Variants in TMPRSS15 observed in about 807,000 individuals in gnomAD.
The protein encoded by TMPRSS15 is transmembrane serine protease 15.
Under a neutral mutation model 125.3 loss-of-function variants are expected in TMPRSS15, and 128 were observed. The ratio of observed to expected loss-of-function variants is 1.02; its 90% CI spans 0.89 to 1.18. The LOEUF (loss-of-function observed/expected upper bound fraction) is 1.18. TMPRSS15 is among the 50% of genes most tolerant of loss of function. The pLI, the probability that TMPRSS15 is intolerant of heterozygous loss-of-function variation, is 0.00. For missense variants in TMPRSS15, 1,283 were observed against 1,212.7 expected (o/e 1.06, Z -0.86); for synonymous variants, 446 against 423.2 (o/e 1.05, Z -0.66).
chr21:18,413,302 TTTTC>T (rs910135957), intron 1 of TMPRSS15, among the ~76,000 whole-genome samples: 1 of 122,006 alleles, frequency 8.2e-6, no homozygotes, highest in African/African-American at 3.2e-5. Context: ...CTTTTCTTTC[TTTTC>T]TTTCTTTTCC....
chr21:18,296,010 A>G (rs892676651), intron 19 of TMPRSS15, among the ~76,000 whole-genome samples: 4 of 152,080 alleles, frequency 2.6e-5, no homozygotes, highest in African/African-American at 9.7e-5. Flanking sequence ...AAAATTAGCC[A>G]GGCGTGGTGG....
rs186100831 is a variant in TMPRSS15, at chr21:18,332,167, C to T, written c.1571G>A (p.Cys524Tyr). Residue 524 changes from cysteine (C) to tyrosine (Y), a missense_variant, in exon 14 of 25, where the codon TGT (cysteine) becomes TAT (tyrosine). Cys to Tyr is a radical substitution (Grantham distance 194). Transcript: ENST00000284885. Reference protein sequence around the residue: ...PTPPPELPTDCGGPFELWEPN... With the variant: ...PTPPPELPTDYGGPFELWEPN... ...CTCCCACAGCTCAAAAGGTCCTCCA[C>T]AGTCCGCTGAAAAGGAAAGCAATGG... 5 of 1,613,942 alleles carry T rather than the reference C, an allele frequency of 3.1e-6. No individual in the cohort carries two copies. The African/African-American group carries it at 5.3e-5, about 17-fold the overall frequency.
At chr21:18,318,460 C>G (rs558569036) in intron 16 of TMPRSS15, among the ~76,000 whole-genome samples, 1 of 152,098 alleles carries the variant, frequency 6.6e-6, no homozygotes, top group Non-Finnish European at 1.5e-5. Flanking sequence ...AACATTGGAA[C>G]GATGGGAAGA....
At chr21:18,408,739 C>T (rs1223899369), upstream of TMPRSS15, among the ~76,000 whole-genome samples, 1 of 152,022 alleles carries the variant, frequency 6.6e-6, no homozygotes, top group Non-Finnish European at 1.5e-5. Context: ...AGAAGGTGGA[C>T]CTTTAAATAT....
intron 1 of TMPRSS15, among the ~76,000 whole-genome samples, chr21:18,435,000 G>C (rs2076224731): frequency 6.6e-6 from 1 of 152,016 alleles, no homozygotes; most frequent in African/African-American, 2.4e-5. Context: ...GAAGTCCTTG[G>C]AGGAAGCAAT....
intron 1 of TMPRSS15, among the ~76,000 whole-genome samples, chr21:18,472,480 T>TATATATATATACACAC (rs1491127013): frequency 8.9e-6 from 1 of 112,332 alleles, no homozygotes; most frequent in African/African-American, 3.1e-5. Flanking sequence ...TATATATATA[T>TATATATATATACACAC]ACACACACAC....
intron 1 of TMPRSS15, among the ~76,000 whole-genome samples, chr21:18,398,866 A>G (rs2076067211): frequency 6.6e-6 from 1 of 152,134 alleles, no homozygotes; most frequent in African/African-American, 2.4e-5. Flanking sequence ...AATTATAAAA[A>G]TGGCATGCAT....
At chr21:18,407,081 T>G (rs979635827), upstream of TMPRSS15, among the ~76,000 whole-genome samples, 3 of 152,180 alleles carry the variant, frequency 2.0e-5, no homozygotes, top group African/African-American at 7.2e-5. Context: ...AAATCATTTG[T>G]TTAGTGATGC....
At chr21:18,457,804 G>A (rs1336168599) in intron 1 of TMPRSS15, among the ~76,000 whole-genome samples, 2 of 152,070 alleles carry the variant, frequency 1.3e-5, no homozygotes, top group Admixed American at 6.6e-5. Flanking sequence ...AAAAATGGCC[G>A]AATCCTTATC....
At chr21:18,449,038 T>TA (rs2076261762) in intron 1 of TMPRSS15, among the ~76,000 whole-genome samples, 1 of 152,180 alleles carries the variant, frequency 6.6e-6, no homozygotes, top group South Asian at 2.1e-4. Context: ...ACAGATGTTC[T>TA]ACTAATCAAA....
At chr21:18,316,875 G>A (rs2075172839) in intron 16 of TMPRSS15, among the ~76,000 whole-genome samples, 1 of 152,102 alleles carries the variant, frequency 6.6e-6, no homozygotes, top group South Asian at 2.1e-4. Flanking sequence ...GTTATGTGCT[G>A]GAAGGAGAGT....
At chr21:18,480,136 G>T (rs1978955312) in intron 1 of TMPRSS15, among the ~76,000 whole-genome samples, 1 of 151,934 alleles carries the variant, frequency 6.6e-6, no homozygotes, top group South Asian at 2.1e-4. Context: ...ACCAACACAG[G>T]AACAGAAAAC....
intron 1 of TMPRSS15, among the ~76,000 whole-genome samples, chr21:18,420,521 C>A (rs1480148924): frequency 6.6e-6 from 1 of 152,190 alleles, no homozygotes; most frequent in Non-Finnish European, 1.5e-5. Context: ...GTAAAACCTG[C>A]ATGTTACCTA....
chr21:18,467,773 T>C (rs1005679593), intron 1 of TMPRSS15, among the ~76,000 whole-genome samples: 5 of 152,156 alleles, frequency 3.3e-5, no homozygotes, highest in African/African-American at 9.7e-5. Context: ...GTGGGAATGA[T>C]AATATGATAA....
chr21:18,448,696 T>C lies in TMPRSS15; in HGVS notation c.10+37103A>G, dbSNP rs536067740. 4.5e-4 allele frequency among the ~76,000 whole-genome samples: 69 copies of C among 152,240 alleles called. No individual in the cohort carries two copies. In the South Asian group the frequency reaches 0.014, roughly 31 times the overall value. On this transcript the variant is annotated intron_variant, in intron 1 of 7. Transcript: ENST00000422787. The stretch of plus-strand genomic sequence containing the variant: ...TATGATACATTTATATAATTTTAAA[T>C]ATCATATCATACTGTGGTCCTACTC...
chr21:18,459,306 C>T (rs1978504882), intron 1 of TMPRSS15, among the ~76,000 whole-genome samples: 1 of 151,140 alleles, frequency 6.6e-6, no homozygotes, highest in East Asian at 1.9e-4. Context: ...CAGAGTCTTG[C>T]TCTGTCGCCC....
intron 10 of TMPRSS15, among the ~76,000 whole-genome samples, chr21:18,352,303 G>A (rs970136190): frequency 1.3e-5 from 2 of 152,082 alleles, no homozygotes; most frequent in Admixed American, 6.6e-5. Context: ...GATGAAAAAT[G>A]TACTTAGAAA....
chr21:18,445,498 A>T (rs546758634), intron 1 of TMPRSS15, among the ~76,000 whole-genome samples: 12 of 152,204 alleles, frequency 7.9e-5, no homozygotes, highest in African/African-American at 2.9e-4. Context: ...CATTTTTAAA[A>T]ATCCATTAAC....
intron 11 of TMPRSS15, 36 bp from the exon 12 acceptor site, chr21:18,343,692 A>G (rs1384835561): frequency 5.0e-6 from 8 of 1,590,764 alleles, no homozygotes; most frequent in Middle Eastern, 3.7e-4. Context: ...TTGGATTCCT[A>G]CAACATTAGA....
Sources: gnomAD v4.1 joint callset for allele counts (sites outside exome capture counted in the v4.1 genomes callset) on GRCh38, gnomAD v4.1.1 for gene constraint, MANE v1.5 for transcripts, NCBI Gene and HGNC (gene_info 2026-07-23, HGNC 2026-07-21) for gene names.